Variants in DOCK9 observed in about 807,000 individuals in gnomAD.
DOCK9 encodes dedicator of cytokinesis protein 9.
Under a neutral mutation model 263.3 loss-of-function variants are expected in DOCK9, and 89 were observed. The ratio of observed to expected loss-of-function variants is 0.34; its 90% CI spans 0.28 to 0.40. DOCK9 has a LOEUF of 0.40. Ranked by LOEUF, DOCK9 falls within the 10% of genes least tolerant of loss-of-function variation. DOCK9 has a pLI of 1.00. For synonymous variants in DOCK9, 976 were observed against 973.1 expected (o/e 1.00, Z -0.06); for missense variants, 2,140 against 2,603.4 (o/e 0.82, Z 3.87).
chr13:98,881,111 G>C (rs1205990914), intron 25 of DOCK9, among the ~76,000 whole-genome samples: 1 of 152,060 alleles, frequency 6.6e-6, no homozygotes, highest in African/African-American at 2.4e-5. Flanking sequence ...TAAATAACTT[G>C]TTGATGTTTA....
upstream of DOCK9, chr13:99,088,153 G>A (rs1303805967): frequency 6.6e-6 from 1 of 152,358 alleles, no homozygotes; most frequent in Non-Finnish European, 1.5e-5. Flanking sequence ...TCTCCAGTGG[G>A]TGGGGACTGC....
chr13:98,837,749 TG>T (rs2093060202), intron 38 of DOCK9, 140 bp from the exon 39 acceptor site: 1 of 58,934 alleles, frequency 1.7e-5, no homozygotes, highest in African/African-American at 7.2e-5. Context: ...TTTTTTGGGG[TG>T]GGGGGCGGGG....
Position 98,884,995 on chromosome 13 carries a change from G to A in DOCK9, c.2358C>T (p.Gly786=). ...VSANLPSGYL[G]YQELGMGRHY... is the part of the protein sequence containing the mutation. Reference sequence around the variant, plus strand: ...CCCTGCCCATCCCAAGCTCCTGGTAGCCAAGATAGCCCGAAGGAAGGTTCG... The same window carrying A: ...CCCTGCCCATCCCAAGCTCCTGGTAACCAAGATAGCCCGAAGGAAGGTTCG... Residue 786 remains glycine (G), a synonymous_variant, in exon 21 of 53, where the codon GGC becomes GGT. Coordinates refer to ENST00000682017, the MANE Select transcript of DOCK9 (RefSeq NM_001366683.2). 6.2e-7 allele frequency: 1 copy of A among 1,613,584 alleles called. No homozygotes were observed. Among genetic ancestry groups the A allele is most frequent in the Non-Finnish European group, 8.5e-7 (1 of 1,179,734 alleles).
In DOCK9 at chr13:98,897,511, G is replaced by C. The variant is rs1422010551; in HGVS notation, c.1686C>G (p.Leu562=). The C allele has an allele frequency of 8.7e-6, 14 of 1,613,726 alleles. No individual in the cohort carries two copies. The highest frequency in any genetic ancestry group is 5.0e-5 in the Admixed American group (3 of 59,992). ...ACTTCCGAAAGTCTGCAAGTAACTTGAGCATGTCATCATTGGATAGCTTAT... is the reference window on the plus strand; with the variant it reads ...ACTTCCGAAAGTCTGCAAGTAACTTCAGCATGTCATCATTGGATAGCTTAT... ...DSNKLSNDDM[L]KLLADFRKPE... The change falls in exon 15 of 53, where the codon CTC becomes CTG. Residue 562 remains leucine (L), a synonymous_variant. Transcript: ENST00000682017.
At chr13:99,018,084 T>C (rs992116522) in intron 1 of DOCK9, among the ~76,000 whole-genome samples, 1 of 152,052 alleles carries the variant, frequency 6.6e-6, no homozygotes, top group South Asian at 2.1e-4. Context: ...AATGAAACAA[T>C]TTCCTAACTC....
chr13:99,022,135 T>C (rs1426852054), intron 1 of DOCK9, among the ~76,000 whole-genome samples: 1 of 152,174 alleles, frequency 6.6e-6, no homozygotes, highest in Non-Finnish European at 1.5e-5. Context: ...TTTCCCCATC[T>C]CAATACACAA....
chr13:99,022,175 G>T lies in DOCK9; in HGVS notation c.129+64048C>A, dbSNP rs561309151. On this transcript the variant is annotated intron_variant, in intron 1 of 32. Coordinates refer to the DOCK9 transcript ENST00000427887. ...GTTAGAACACTTTGAGATGTCTAGT[G>T]CCAGTTACCTTGAAGTGAACAAAGG... is the stretch of plus-strand genomic sequence containing the variant. Among the ~76,000 whole-genome samples, 3 of 152,204 alleles carry T rather than the reference G, an allele frequency of 2.0e-5. No individual in the cohort carries two copies. The South Asian group carries it at 6.2e-4, about 32-fold the overall frequency.
chr13:98,978,677 C>T (rs1050969961), upstream of DOCK9, among the ~76,000 whole-genome samples: 5 of 152,054 alleles, frequency 3.3e-5, no homozygotes, highest in African/African-American at 1.2e-4. Flanking sequence ...TCAGAAGGTA[C>T]CCCCAGTACT....
chr13:98,967,960 C>T (rs1447601396), intron 1 of DOCK9, among the ~76,000 whole-genome samples: 3 of 133,902 alleles, frequency 2.2e-5, no homozygotes, highest in Non-Finnish European at 4.7e-5. Flanking sequence ...GCATTTTTTT[C>T]CTACAGAAAA....
chr13:98,900,817 G>T (rs1454190136), intron 13 of DOCK9, among the ~76,000 whole-genome samples: 1 of 152,160 alleles, frequency 6.6e-6, no homozygotes, highest in African/African-American at 2.4e-5. Flanking sequence ...ATTTCTCAAT[G>T]GCCATCGTGC....
chr13:98,843,374 C>A (rs1039439793), intron 38 of DOCK9, among the ~76,000 whole-genome samples: 1 of 152,138 alleles, frequency 6.6e-6, no homozygotes, highest in South Asian at 2.1e-4. Context: ...ATAAAACACA[C>A]ACACAAACAT....
At chr13:98,952,526 C>T (rs1419284872) in intron 2 of DOCK9, among the ~76,000 whole-genome samples, 7 of 152,200 alleles carry the variant, frequency 4.6e-5, no homozygotes, top group African/African-American at 7.2e-5. Context: ...TGAGCCAGTG[C>T]GCCTGGCCTA....
At chr13:98,981,044 CA>C (rs1877056300), upstream of DOCK9, among the ~76,000 whole-genome samples, 1 of 149,972 alleles carries the variant, frequency 6.7e-6, no homozygotes, top group Non-Finnish European at 1.5e-5. Context: ...AGTTGTAAAG[CA>C]AGTAATTTGT....
intron 1 of DOCK9, among the ~76,000 whole-genome samples, chr13:99,005,223 T>C (rs1883116810): frequency 6.6e-6 from 1 of 152,208 alleles, no homozygotes; most frequent in African/African-American, 2.4e-5. Context: ...GAAACAAACC[T>C]ACAAATATAA....
At chr13:98,931,212 A>G (rs745774199) in intron 2 of DOCK9, among the ~76,000 whole-genome samples, 10 of 152,256 alleles carry the variant, frequency 6.6e-5, no homozygotes, top group Non-Finnish European at 1.3e-4. Flanking sequence ...TTTAAATAAA[A>G]TGACAGGGCA....
chr13:99,031,115 G>GTT (rs560005422), intron 1 of DOCK9, among the ~76,000 whole-genome samples: 1,453 of 133,474 alleles, frequency 0.011, 14 homozygotes, highest in African/African-American at 0.026. Context: ...TGTAATTGAT[G>GTT]TTTTTTTTAA....
chr13:99,056,166 C>G (rs1396010696), intron 1 of DOCK9, among the ~76,000 whole-genome samples: 1 of 152,066 alleles, frequency 6.6e-6, no homozygotes, highest in Non-Finnish European at 1.5e-5. Context: ...AAACGGAGTG[C>G]CAAATGTTTT....
In DOCK9 at chr13:98,863,033, C is replaced by A; in HGVS notation, c.3565G>T (p.Val1189Leu). 6.2e-7 allele frequency: 1 copy of A among 1,608,406 alleles called. No homozygotes were observed. Among genetic ancestry groups the A allele is most frequent in the Non-Finnish European group, 8.5e-7 (1 of 1,177,500 alleles). Reference protein sequence around the residue: ...INVRDVSPFPVNAGMTVKDES... With the variant: ...INVRDVSPFPLNAGMTVKDES... Reference sequence around the variant, plus strand: ...TGCTTACGTACCATGCCCGCGTTCACAGGGAAGGGTGACACATCCCTCACA... The same window carrying A: ...TGCTTACGTACCATGCCCGCGTTCAAAGGGAAGGGTGACACATCCCTCACA... Residue 1189 changes from valine (V) to leucine (L), a missense_variant, in exon 32 of 53, where the codon GTG becomes TTG. By Grantham distance (32) the Val-to-Leu change is conservative. Around this residue, in one of 2 missense-constraint regions of DOCK9, gnomAD observed 1,521 missense variants for 1,741.7 expected, o/e 0.87. Transcript: ENST00000682017.
At chr13:98,912,582 GTA>G (rs2050230071) in intron 9 of DOCK9, among the ~76,000 whole-genome samples, 1 of 151,646 alleles carries the variant, frequency 6.6e-6, no homozygotes, top group Non-Finnish European at 1.5e-5. Flanking sequence ...TTATAAAAAA[GTA>G]TATATACATA....
Sources: gnomAD v4.1 joint callset for allele counts (sites outside exome capture counted in the v4.1 genomes callset) on GRCh38, gnomAD v4.1.1 for gene constraint, gnomAD v4.1.1 regional missense constraint, MANE v1.5 for transcripts, NCBI Gene and HGNC (gene_info 2026-07-23, HGNC 2026-07-21) for gene names.